Variants in EFR3A observed in about 807,000 individuals in gnomAD.
The protein encoded by EFR3A is protein EFR3 homolog A.
In EFR3A, 76 loss-of-function variants were observed where a neutral mutation model predicts 104.4. That is an observed-to-expected ratio of 0.73 (90% CI 0.60 to 0.88). The LOEUF (loss-of-function observed/expected upper bound fraction) is 0.88, where lower values mean the gene tolerates loss of function less well. Ranked by LOEUF, EFR3A falls within the 40% of genes least tolerant of loss-of-function variation. EFR3A has a pLI of 0.00. For synonymous variants in EFR3A, 330 were observed against 330.0 expected (o/e 1.00, Z 0.00); for missense variants, 985 against 1,012.5 (o/e 0.97, Z 0.37).
chr8:131,953,138 G>A (rs1818790511), intron 5 of EFR3A, among the ~76,000 whole-genome samples: 1 of 152,064 alleles, frequency 6.6e-6, no homozygotes, highest in Non-Finnish European at 1.5e-5. Context: ...TTTTAAAGAA[G>A]TGTAAGGAAG....
chr8:131,960,045 A>G (rs1586605822), intron 8 of EFR3A, among the ~76,000 whole-genome samples: 1 of 152,224 alleles, frequency 6.6e-6, no homozygotes, highest in African/African-American at 2.4e-5. Flanking sequence ...CTAGTCTCCT[A>G]TGTATACAAC....
chr8:131,992,709 G>A (rs1238883810), intron 18 of EFR3A, among the ~76,000 whole-genome samples: 1 of 152,152 alleles, frequency 6.6e-6, no homozygotes, highest in African/African-American at 2.4e-5. Context: ...ACGAAGGGCA[G>A]GTAATGACAT....
At chr8:131,936,597 T>C (rs1247389466) in intron 1 of EFR3A, among the ~76,000 whole-genome samples, 3 of 152,222 alleles carry the variant, frequency 2.0e-5, no homozygotes, top group Non-Finnish European at 4.4e-5. Context: ...TTGTTTTACC[T>C]GTGCTTCTGC....
chr8:131,906,252 A>G (rs577964965), intron 1 of EFR3A, among the ~76,000 whole-genome samples: 9 of 152,366 alleles, frequency 5.9e-5, no homozygotes, highest in African/African-American at 2.2e-4. Context: ...TATATATCCA[A>G]CACAGAGATG....
chr8:131,980,220 A>G (rs748528769), intron 14 of EFR3A, among the ~76,000 whole-genome samples: 11 of 152,076 alleles, frequency 7.2e-5, no homozygotes, highest in Admixed American at 2.0e-4. Flanking sequence ...TTGCCTCTTT[A>G]CTAGACCATG....
chr8:131,970,728 A>G (rs1243972235), intron 10 of EFR3A, 85 bp downstream of exon 10: 2 of 1,295,068 alleles, frequency 1.5e-6, no homozygotes. Context: ...ATTATAGTAC[A>G]TTTGTCAAAG....
In EFR3A at chr8:131,985,045, C is replaced by T; in HGVS notation, c.1854C>T (p.Cys618=). The T allele has an allele frequency of 6.2e-7, 1 of 1,613,182 alleles. No individual in the cohort carries two copies. ...VSQMIAVPAF[C]QHVSKVIEIR... ...AGATGATAGCTGTCCCTGCATTTTGCCAGCATGTTAGCAAGGTAATGTATT... is the reference window on the plus strand; with the variant it reads ...AGATGATAGCTGTCCCTGCATTTTGTCAGCATGTTAGCAAGGTAATGTATT... Residue 618 remains cysteine, a synonymous_variant, in exon 16 of 23, where the codon TGC becomes TGT. Transcript: ENST00000254624.
intron 10 of EFR3A, among the ~76,000 whole-genome samples, chr8:131,975,492 C>T (rs560351328): frequency 6.9e-6 from 1 of 144,902 alleles, no homozygotes; most frequent in South Asian, 2.2e-4. Flanking sequence ...TCTTGGCTCA[C>T]CGCGACCTCC....
intron 5 of EFR3A, among the ~76,000 whole-genome samples, chr8:131,953,523 C>T (rs990240863): frequency 6.6e-6 from 1 of 151,996 alleles, no homozygotes; most frequent in African/African-American, 2.4e-5. Flanking sequence ...TTTAAGAAAA[C>T]CTATGCTGTT....
At chr8:131,981,021 T>TTATA (rs762282805) in intron 14 of EFR3A, among the ~76,000 whole-genome samples, 4,415 of 125,908 alleles carry the variant, frequency 0.035, 151 homozygotes, top group African/African-American at 0.091. Flanking sequence ...GTATTTCATT[T>TTATA]TATATATATA....
intron 7 of EFR3A, among the ~76,000 whole-genome samples, chr8:131,957,433 C>T (rs1220750113): frequency 1.3e-5 from 2 of 151,468 alleles, no homozygotes; most frequent in Non-Finnish European, 2.9e-5. Context: ...TCACCACAAC[C>T]TCTGCCTCCT....
intron 1 of EFR3A, among the ~76,000 whole-genome samples, chr8:131,932,179 A>AC (rs1334686345): frequency 6.6e-6 from 1 of 150,796 alleles, no homozygotes. Flanking sequence ...CATTTTTGAG[A>AC]CCCCCTAATT....
Position 131,955,818 on chromosome 8 carries a change from C to T in EFR3A, c.689C>T (p.Pro230Leu), listed in dbSNP as rs1300498787. The T allele has an allele frequency of 8.7e-6, 14 of 1,613,434 alleles. No homozygotes were observed. Among genetic ancestry groups the T allele is most frequent in the Non-Finnish European group, 1.2e-5 (14 of 1,179,594 alleles). The change falls in exon 7 of 23, where the codon CCT becomes CTT. Residue 230 changes from proline (P) to leucine (L), a missense_variant. Transcript: ENST00000254624. ...SPSATDKEENPAVLAENCFRE... is the reference protein window; with the variant it reads ...SPSATDKEENLAVLAENCFRE... Reference sequence around the variant, plus strand: ...TCTGCAACTGACAAAGAAGAGAATCCTGCTGTGCTGGCTGAAAACTGTTTC... The same window carrying T: ...TCTGCAACTGACAAAGAAGAGAATCTTGCTGTGCTGGCTGAAAACTGTTTC...
intron 14 of EFR3A, among the ~76,000 whole-genome samples, chr8:131,979,727 C>T (rs1351248711): frequency 6.6e-6 from 1 of 152,138 alleles, no homozygotes; most frequent in Non-Finnish European, 1.5e-5. Context: ...ACTGATTCCT[C>T]TTTTAGCAGC....
chr8:131,941,544 CA>C (rs1818172179), intron 2 of EFR3A, among the ~76,000 whole-genome samples: 1 of 152,002 alleles, frequency 6.6e-6, no homozygotes, highest in African/African-American at 2.4e-5. Flanking sequence ...AAATTTGTGG[CA>C]TATTAAAAAC....
rs752551899 is a variant in EFR3A at position 131,950,077 on chromosome 8, G to C, written c.475G>C (p.Glu159Gln). ...AMCHSCHSDP[E>Q]IRTEIRIAGI... Reference sequence around the variant, plus strand: ...GTGCCATTCCTGTCATAGTGATCCAGAAATACGAACAGAGTATGTATTATT... The same window carrying C: ...GTGCCATTCCTGTCATAGTGATCCACAAATACGAACAGAGTATGTATTATT... Residue 159 changes from glutamate to glutamine, a missense_variant, in exon 5 of 23, where the codon GAA (glutamate) becomes CAA (glutamine). By Grantham distance (29) the Glu-to-Gln change is conservative. Transcript: ENST00000254624. The C allele has an allele frequency of 1.2e-6, 2 of 1,608,338 alleles. No individual in the cohort carries two copies. The highest frequency in any genetic ancestry group is 4.5e-5 in the East Asian group (2 of 44,616).
chr8:131,910,930 C>T lies in EFR3A; in HGVS notation c.10+6608C>T, dbSNP rs577084116. 2.0e-5 allele frequency among the ~76,000 whole-genome samples: 3 copies of T among 152,158 alleles called. No homozygotes were observed. In the South Asian group the frequency reaches 6.2e-4, roughly 32 times the overall value. Reference sequence around the variant, plus strand: ...AATAAAGAGAAGGGCACAGAAAATCCCAATATGGCCCGCAACTGCTTCAGA... The same window carrying T: ...AATAAAGAGAAGGGCACAGAAAATCTCAATATGGCCCGCAACTGCTTCAGA... On this transcript the variant is annotated intron_variant, in intron 1 of 22. Transcript: ENST00000254624.
At chr8:131,966,262 T>G (rs1018714588) in intron 8 of EFR3A, among the ~76,000 whole-genome samples, 2 of 152,116 alleles carry the variant, frequency 1.3e-5, no homozygotes, top group Non-Finnish European at 2.9e-5. Context: ...TGCATGACCT[T>G]AGACAAGTTA....
intron 1 of EFR3A, among the ~76,000 whole-genome samples, chr8:131,908,111 A>AG (rs1286501109): frequency 6.6e-6 from 1 of 150,456 alleles, no homozygotes; most frequent in Non-Finnish European, 1.5e-5. Context: ...CCCAGGCTGG[A>AG]GTGCAGTGGT....
Sources: allele counts gnomAD v4.1 joint callset (sites outside exome capture counted in the v4.1 genomes callset), GRCh38; gene constraint gnomAD v4.1.1; transcripts MANE v1.5; gene names NCBI Gene and HGNC (gene_info 2026-07-23, HGNC 2026-07-21).